Variants in TULP4 observed in about 807,000 individuals in gnomAD.
The protein encoded by TULP4 is TUB like protein 4, also known as tubby-related protein 4.
In TULP4, 16 loss-of-function variants were observed where a neutral mutation model predicts 129.0. That is an observed-to-expected ratio of 0.12 (90% CI 0.08 to 0.19). The LOEUF is 0.19. Among genes scored for constraint, TULP4 ranks in the 10% least tolerant of loss-of-function variants. The probability of loss-of-function intolerance (pLI) is 1.00; values close to 1 mark genes in which losing one functional copy is unlikely to be tolerated. For synonymous variants in TULP4, 998 were observed against 854.0 expected (o/e 1.17, Z -2.94); for missense variants, 1,842 against 2,059.1 (o/e 0.89, Z 2.04).
intron 5 of TULP4, among the ~76,000 whole-genome samples, chr6:158,455,811 G>A (rs899860769): frequency 2.0e-5 from 3 of 152,144 alleles, no homozygotes; most frequent in East Asian, 3.9e-4. Context: ...AGATTAAATC[G>A]AAATGAGCTG....
intron 6 of TULP4, among the ~76,000 whole-genome samples, chr6:158,469,619 G>T (rs73029514): frequency 0.13 from 19,197 of 151,900 alleles, 1,360 homozygotes; most frequent in South Asian, 0.18. Context: ...ATCTCTAAGT[G>T]TGGAAGGCGT....
At chr6:158,364,882 C>T (rs560492034) in intron 1 of TULP4, among the ~76,000 whole-genome samples, 1 of 152,056 alleles carries the variant, frequency 6.6e-6, no homozygotes, top group Admixed American at 6.5e-5. Context: ...ACTACAGGCG[C>T]CCGCCACCAC....
At chr6:158,442,582 T>C (rs1778923760) in intron 3 of TULP4, among the ~76,000 whole-genome samples, 1 of 152,144 alleles carries the variant, frequency 6.6e-6, no homozygotes, top group Non-Finnish European at 1.5e-5. Flanking sequence ...CCTGGGCAGT[T>C]ATGCCTTACT....
rs57506553 is a variant in TULP4, at chr6:158,443,138, CA to C, written c.544-5856del. On this transcript the variant is annotated intron_variant, in intron 3 of 13. Transcript: ENST00000367097. ...AGCTGGGACTACAGGCGTGCACCAC[CA>C]AGCCCAGCTAACTTTTGTATTTTTA... 2.1e-3 allele frequency among the ~76,000 whole-genome samples: 320 copies of C among 152,290 alleles called. 1 individual carries two copies. Among genetic ancestry groups the C allele is most frequent in the African/African-American group, 7.0e-3 (290 of 41,556 alleles).
intron 1 of TULP4, among the ~76,000 whole-genome samples, chr6:158,240,729 G>A (rs1243836575): frequency 2.3e-5 from 3 of 129,428 alleles, no homozygotes; most frequent in Non-Finnish European, 5.2e-5. Context: ...CGGACGGGGC[G>A]GCTGGCCGGG....
chr6:158,323,535 A>ACCAT (rs1554280137), intron 1 of TULP4, among the ~76,000 whole-genome samples: 1 of 3,862 alleles, frequency 2.6e-4, no homozygotes, highest in Non-Finnish European at 1.3e-3. Flanking sequence ...ATGCTAGGTG[A>ACCAT]CCACATCTAC....
chr6:158,366,844 G>A (rs566270100), intron 1 of TULP4, among the ~76,000 whole-genome samples: 19 of 152,086 alleles, frequency 1.2e-4, no homozygotes, highest in South Asian at 8.3e-4. Flanking sequence ...TCAAGGTCCC[G>A]TCCAGCTCCA....
At chr6:158,264,923 A>C (rs1778422198) in intron 1 of TULP4, among the ~76,000 whole-genome samples, 1 of 152,220 alleles carries the variant, frequency 6.6e-6, no homozygotes, top group Non-Finnish European at 1.5e-5. Flanking sequence ...GTGCCTTCAA[A>C]ATGACAAGTT....
intron 1 of TULP4, among the ~76,000 whole-genome samples, chr6:158,254,743 G>A (rs2128454121): frequency 6.6e-6 from 1 of 152,332 alleles, no homozygotes; most frequent in South Asian, 2.1e-4. Flanking sequence ...TTAAGCAGAA[G>A]TCTTGAGACT....
At chr6:158,327,564 G>T (rs1779770176) in intron 1 of TULP4, among the ~76,000 whole-genome samples, 1 of 152,002 alleles carries the variant, frequency 6.6e-6, no homozygotes, top group African/African-American at 2.4e-5. Context: ...AGCCATGATG[G>T]TTTTCATTTC....
chr6:158,331,970 G>A (rs553297153), intron 1 of TULP4, among the ~76,000 whole-genome samples: 148 of 147,826 alleles, frequency 1.0e-3, no homozygotes, highest in Non-Finnish European at 1.7e-3. Context: ...TCAGGAATTC[G>A]ACACCAGCCT....
chr6:158,325,127 A>G (rs974449561), intron 1 of TULP4, among the ~76,000 whole-genome samples: 1 of 152,270 alleles, frequency 6.6e-6, no homozygotes, highest in Non-Finnish European at 1.5e-5. Flanking sequence ...AGAATTGTCA[A>G]AAAATCAAAT....
chr6:158,477,861 G>C (rs1779857509), intron 6 of TULP4, among the ~76,000 whole-genome samples: 1 of 152,100 alleles, frequency 6.6e-6, no homozygotes, highest in Non-Finnish European at 1.5e-5. Context: ...CAACCTAAAT[G>C]CCCATCAGCA....
intron 6 of TULP4, among the ~76,000 whole-genome samples, chr6:158,465,072 ATGT>A (rs1779525214): frequency 6.6e-6 from 1 of 152,084 alleles, no homozygotes; most frequent in African/African-American, 2.4e-5. Flanking sequence ...CTCTATTTTA[ATGT>A]TAATGTTGGT....
intron 1 of TULP4, among the ~76,000 whole-genome samples, chr6:158,337,122 C>CTT (rs1562525426): frequency 9.8e-5 from 7 of 71,176 alleles, no homozygotes; most frequent in Admixed American, 2.0e-4. Flanking sequence ...CTCTCTCTTT[C>CTT]TTTCTCTTTT....
intron 1 of TULP4, among the ~76,000 whole-genome samples, chr6:158,254,752 C>T (rs1778214138): frequency 1.3e-5 from 2 of 152,178 alleles, no homozygotes; most frequent in South Asian, 4.1e-4. Flanking sequence ...AGTCTTGAGA[C>T]TTGAGTCTGC....
chr6:158,502,723 G>T lies in TULP4; in HGVS notation c.3060G>T (p.Gly1020=), dbSNP rs1000369936. The part of the protein sequence containing the change: ...QPLAKSKGGP[G]GVVTQLPARP... The stretch of plus-strand genomic sequence containing the variant: ...TGGCCAAGTCCAAGGGCGGGCCCGG[G>T]GGGGTGGTGACACAGCTCCCAGCGC... Residue 1020 remains glycine (G), a synonymous_variant, in exon 13 of 14, where the codon GGG becomes GGT. Coordinates refer to ENST00000367097, the MANE Select transcript of TULP4 (RefSeq NM_020245.5). 3 of 1,569,212 alleles carry T rather than the reference G, an allele frequency of 1.9e-6. No individual in the cohort carries two copies. Among genetic ancestry groups the T allele is most frequent in the African/African-American group, 2.7e-5 (2 of 74,448 alleles).
At position 158,503,236 on chromosome 6, in the gene TULP4, T is replaced by C. The variant is rs768597086; in HGVS notation, c.3573T>C (p.Tyr1191=). Residue 1191 remains tyrosine, a synonymous_variant, in exon 13 of 14, where the codon TAT becomes TAC. Transcript: ENST00000367097. This position sits in a 1 kb window ranked among gnomAD's most constrained non-coding sequence, Gnocchi z 4.3. ...CAGGCTATGGGATGGGAGTGCCATATCCAGGAAGCTATAACAACCCCCCTT... is the reference window on the plus strand; with the variant it reads ...CAGGCTATGGGATGGGAGTGCCATACCCAGGAAGCTATAACAACCCCCCTT... ...FQTGYGMGVP[Y]PGSYNNPPLP... 1.7e-5 allele frequency: 27 copies of C among 1,613,816 alleles called. 2 individuals carry two copies. In the South Asian group the frequency reaches 2.9e-4, roughly 17 times the overall value.
Position 158,313,123 on chromosome 6 carries a change from G to T in TULP4, c.-894G>T. 4.9e-6 allele frequency: 1 copy of T among 204,854 alleles called. No individual in the cohort carries two copies. The highest frequency in any genetic ancestry group is 9.7e-6 in the Non-Finnish European group (1 of 103,360). The allele number at this position is 204,854 out of a possible 1,614,324, so 12.7% of individuals were successfully genotyped here. The stretch of plus-strand genomic sequence containing the variant: ...CTGTTTTGTCAGCAAGAGGATTTAA[G>T]ACTCACCCAGGGCAAACACTGGGAC... On this transcript the variant is annotated 5_prime_UTR_variant, in exon 1 of 14. Coordinates refer to ENST00000367097, the MANE Select transcript of TULP4 (RefSeq NM_020245.5).
Sources: allele counts gnomAD v4.1 joint callset (sites outside exome capture counted in the v4.1 genomes callset), GRCh38; gene constraint gnomAD v4.1.1; non-coding constraint Gnocchi (gnomAD v3.1); transcripts MANE v1.5; gene names NCBI Gene and HGNC (gene_info 2026-07-23, HGNC 2026-07-21).